Variants in TMEM51 observed in about 807,000 individuals in gnomAD.
The protein encoded by TMEM51 is transmembrane protein 51, also known as chromosome 1 open reading frame 72.
Under a neutral mutation model 13.6 loss-of-function variants are expected in TMEM51, and 8 were observed. The ratio of observed to expected loss-of-function variants is 0.59; its 90% CI spans 0.35 to 1.07. TMEM51 has a LOEUF of 1.07. TMEM51 is among the 50% of genes least tolerant of loss of function. The probability of loss-of-function intolerance (pLI) is 0.02; values close to 1 mark genes in which losing one functional copy is unlikely to be tolerated. For synonymous variants in TMEM51, 147 were observed against 144.4 expected (o/e 1.02, Z -0.13); for missense variants, 279 against 330.7 (o/e 0.84, Z 1.21).
intron 1 of TMEM51, among the ~76,000 whole-genome samples, chr1:15,193,575 C>CTTTCTTTTTTTTT (rs1249772503): frequency 3.5e-5 from 4 of 114,642 alleles, no homozygotes; most frequent in African/African-American, 1.4e-4. Context: ...TTCTTTCTTT[C>CTTTCTTTTTTTTT]TTTTTTTTTT....
chr1:15,178,132 T>TGAGG (rs1454312248), intron 1 of TMEM51, among the ~76,000 whole-genome samples: 2 of 71,274 alleles, frequency 2.8e-5, no homozygotes, highest in African/African-American at 8.0e-5. Flanking sequence ...TCAGGCCACA[T>TGAGG]GAGGTCCTTG....
At chr1:15,218,368 T>G (rs1016064784) in intron 3 of TMEM51, among the ~76,000 whole-genome samples, 52 of 152,222 alleles carry the variant, frequency 3.4e-4, no homozygotes, top group African/African-American at 1.2e-3. Context: ...AGCATTGGAA[T>G]AGCTCACGCA....
chr1:15,219,495 C>T lies in TMEM51; in HGVS notation c.514C>T (p.Pro172Ser), dbSNP rs769634649. The change falls in exon 4 of 4, where the codon CCC (proline) becomes TCC (serine). Residue 172 changes from proline to serine, a missense_variant. Coordinates refer to ENST00000376008, the MANE Select transcript of TMEM51 (RefSeq NM_001136218.2). ...ACTGACGGGGCTCGACGAGACCACCCCCACATCCACCAGGGCTGACGTGGA... is the reference window on the plus strand; with the variant it reads ...ACTGACGGGGCTCGACGAGACCACCTCCACATCCACCAGGGCTGACGTGGA... ...ESLTGLDETT[P>S]TSTRADVEAS... 5.0e-6 allele frequency: 8 copies of T among 1,614,088 alleles called. No individual in the cohort carries two copies. In the African/African-American group the frequency reaches 6.7e-5, roughly 13 times the overall value.
chr1:15,182,092 T>G (rs934420948), intron 1 of TMEM51, among the ~76,000 whole-genome samples: 5 of 151,616 alleles, frequency 3.3e-5, no homozygotes, highest in Non-Finnish European at 5.9e-5. Flanking sequence ...ACCCAGGAGG[T>G]GGAGGTTGCA....
rs548318571 is a variant in TMEM51 at position 15,163,496 on chromosome 1, G to A, written c.-267+9542G>A. On this transcript the variant is annotated intron_variant, in intron 1 of 3. Transcript: ENST00000376008. ...CCTGCTCAAAGCCAGGAACTTTGGCGGCTTTTTTCCTTCCTGTTCTTTCTG... is the reference window on the plus strand; with the variant it reads ...CCTGCTCAAAGCCAGGAACTTTGGCAGCTTTTTTCCTTCCTGTTCTTTCTG... Among the ~76,000 whole-genome samples, 326 of 151,974 alleles carry A rather than the reference G, an allele frequency of 2.1e-3. 4 individuals are homozygous for A. Among genetic ancestry groups the A allele is most frequent in the African/African-American group, 7.4e-3 (305 of 41,348 alleles).
At chr1:15,179,444 A>C (rs925069547) in intron 1 of TMEM51, among the ~76,000 whole-genome samples, 7 of 152,158 alleles carry the variant, frequency 4.6e-5, no homozygotes, top group African/African-American at 1.7e-4. Flanking sequence ...ACCATGGGTG[A>C]GCAAAGGAAG....
chr1:15,169,317 A>G (rs1206174415), intron 1 of TMEM51, among the ~76,000 whole-genome samples: 1 of 152,174 alleles, frequency 6.6e-6, no homozygotes. Context: ...TCTGAGGAAC[A>G]TTTGTTCCTT....
At chr1:15,167,001 C>T (rs1004624193) in intron 1 of TMEM51, among the ~76,000 whole-genome samples, 14 of 152,080 alleles carry the variant, frequency 9.2e-5, no homozygotes, top group African/African-American at 3.4e-4. Flanking sequence ...CAGTATGGTG[C>T]CTTTGGAGTC....
At chr1:15,206,698 GAT>G (rs1644257393) in intron 1 of TMEM51, among the ~76,000 whole-genome samples, 1 of 152,202 alleles carries the variant, frequency 6.6e-6, no homozygotes, top group African/African-American at 2.4e-5. Context: ...CTGATTTCAT[GAT>G]AGCTGCTGCG....
rs189692835 is a variant in TMEM51, at chr1:15,159,625, T to C, written c.-267+5671T>C. On this transcript the variant is annotated intron_variant, in intron 1 of 3. Transcript: ENST00000376008. The stretch of plus-strand genomic sequence containing the variant: ...AGGCTGGACTGCAGTGGTGCAATCT[T>C]GGCTCACAGCAACCTCCACCTCCCA... 3.5e-3 allele frequency among the ~76,000 whole-genome samples: 531 copies of C among 152,322 alleles called. 2 individuals are homozygous for C. Among genetic ancestry groups the C allele is most frequent in the African/African-American group, 0.012 (503 of 41,574 alleles).
At chr1:15,169,629 T>C (rs572161246) in intron 1 of TMEM51, among the ~76,000 whole-genome samples, 6 of 152,172 alleles carry the variant, frequency 3.9e-5, no homozygotes, top group Non-Finnish European at 8.8e-5. Context: ...TTTTTCCCAG[T>C]TGAAATGTCT....
At chr1:15,216,025 C>CT (rs1644426629) in intron 3 of TMEM51, among the ~76,000 whole-genome samples, 1 of 147,076 alleles carries the variant, frequency 6.8e-6, no homozygotes, top group Non-Finnish European at 1.5e-5. Flanking sequence ...GAGTGAGACT[C>CT]TGTCTCAAAA....
At chr1:15,177,739 A>G (rs1643493777) in intron 1 of TMEM51, among the ~76,000 whole-genome samples, 1 of 152,144 alleles carries the variant, frequency 6.6e-6, no homozygotes, top group Admixed American at 6.5e-5. Flanking sequence ...CCCTTGTATG[A>G]AGCAACTGTA....
At chr1:15,170,811 C>A (rs896878759) in intron 1 of TMEM51, among the ~76,000 whole-genome samples, 1 of 151,908 alleles carries the variant, frequency 6.6e-6, no homozygotes, top group Non-Finnish European at 1.5e-5. Context: ...TCACTGCAAG[C>A]TCCGCCTCCC....
chr1:15,155,639 G>A (rs930403085), intron 1 of TMEM51, among the ~76,000 whole-genome samples: 4 of 152,194 alleles, frequency 2.6e-5, no homozygotes, highest in African/African-American at 9.7e-5. Context: ...CACAGGCAAA[G>A]GCACAGCGAC....
chr1:15,189,024 T>G (rs1336394020), intron 1 of TMEM51, among the ~76,000 whole-genome samples: 4 of 152,026 alleles, frequency 2.6e-5, no homozygotes, highest in Non-Finnish European at 5.9e-5. Flanking sequence ...ACTCAGGAAA[T>G]AGCAGCTGAT....
intron 1 of TMEM51, among the ~76,000 whole-genome samples, chr1:15,167,171 CA>C (rs1643038256): frequency 6.6e-6 from 1 of 151,604 alleles, no homozygotes; most frequent in Non-Finnish European, 1.5e-5. Flanking sequence ...CCTAAAAAAA[CA>C]AAAAATTAGC....
intron 1 of TMEM51, among the ~76,000 whole-genome samples, chr1:15,179,431 C>T (rs1255572275): frequency 6.6e-6 from 1 of 152,130 alleles, no homozygotes; most frequent in Non-Finnish European, 1.5e-5. Flanking sequence ...GGATACAGGC[C>T]ACACCATGGG....
In TMEM51 at chr1:15,153,794, G is replaced by T. The variant is rs1282822990; in HGVS notation, c.-427G>T. 3 of 151,792 alleles carry T rather than the reference G, an allele frequency of 2.0e-5. No homozygotes were observed. The highest frequency in any genetic ancestry group is 7.3e-5 in the African/African-American group (3 of 41,362). 9.4% of individuals were successfully genotyped at this position (151,792 alleles called of 1,614,324 possible). Reference sequence around the variant, plus strand: ...AACCCGGTCCCTGAGAGGGCAGTGCGCCCTCTCCACCACTGCGTTCCCTCG... The same window carrying T: ...AACCCGGTCCCTGAGAGGGCAGTGCTCCCTCTCCACCACTGCGTTCCCTCG... On this transcript the variant is annotated 5_prime_UTR_variant, in exon 1 of 4. Transcript: ENST00000376008.
Sources: allele counts gnomAD v4.1 joint callset (sites outside exome capture counted in the v4.1 genomes callset), GRCh38; gene constraint gnomAD v4.1.1; transcripts MANE v1.5; gene names NCBI Gene and HGNC (gene_info 2026-07-23, HGNC 2026-07-21).